Variants in AGBL4 observed in about 807,000 individuals in gnomAD.
AGBL4 encodes AGBL carboxypeptidase 4.
Under a neutral mutation model 66.4 loss-of-function variants are expected in AGBL4, and 58 were observed. That is an observed-to-expected ratio of 0.87 (90% confidence interval 0.71 to 1.09). The LOEUF (loss-of-function observed/expected upper bound fraction) is 1.09. Ranked by LOEUF, AGBL4 falls within the 50% of genes least tolerant of loss-of-function variation. AGBL4 has a pLI of 0.00. For synonymous variants in AGBL4, 234 were observed against 222.9 expected, an observed-to-expected ratio of 1.05 and a Z score of -0.44; for missense variants, 579 against 631.0, an observed-to-expected ratio of 0.92 and a Z score of 0.88.
At chr1:49,581,298 T>C (rs998597294) in intron 3 of AGBL4, among the ~76,000 whole-genome samples, 4 of 152,200 alleles carry the variant, frequency 2.6e-5, no homozygotes, top group Non-Finnish European at 4.4e-5. Context: ...TTGCATCTCA[T>C]TGAACTTCTT....
intron 6 of AGBL4, among the ~76,000 whole-genome samples, chr1:48,707,209 G>A (rs1646894475): frequency 6.6e-6 from 1 of 152,108 alleles, no homozygotes; most frequent in Admixed American, 6.6e-5. Flanking sequence ...TGGGAGGGTC[G>A]CTTGAGCCCA....
chr1:49,026,323 G>A (rs1389710744), intron 5 of AGBL4, among the ~76,000 whole-genome samples: 8 of 151,798 alleles, frequency 5.3e-5, no homozygotes, highest in Admixed American at 1.3e-4. Context: ...TCCCACTGTC[G>A]GGCCAAAAAA....
At chr1:49,400,147 C>T (rs910104290) in intron 3 of AGBL4, among the ~76,000 whole-genome samples, 1 of 152,102 alleles carries the variant, frequency 6.6e-6, no homozygotes, top group Non-Finnish European at 1.5e-5. Context: ...TGTGTTTTCC[C>T]CAGTGTATGT....
intron 3 of AGBL4, among the ~76,000 whole-genome samples, chr1:49,404,363 C>G (rs1032719008): frequency 6.6e-6 from 1 of 152,172 alleles, no homozygotes; most frequent in African/African-American, 2.4e-5. Context: ...AGAACCCTCA[C>G]TAGAAGCCAA....
At chr1:48,978,375 G>T (rs1436094564) in intron 5 of AGBL4, among the ~76,000 whole-genome samples, 1 of 152,196 alleles carries the variant, frequency 6.6e-6, no homozygotes, top group Non-Finnish European at 1.5e-5. Context: ...GAGGAGAAAA[G>T]AGATTGTTTT....
chr1:48,756,759 C>T (rs1191368499), intron 6 of AGBL4, among the ~76,000 whole-genome samples: 1 of 152,224 alleles, frequency 6.6e-6, no homozygotes, highest in Admixed American at 6.5e-5. Context: ...TAAGCTTTCA[C>T]TGATGAGAGA....
In AGBL4 at chr1:49,906,625, T is replaced by A. The variant is rs549367106; in HGVS notation, c.35-55107A>T. ...AGTATATCTCAAATGCTAAAAAAAA[T>A]TTGTCAAGATATACTAACAATTAAC... is the stretch of plus-strand genomic sequence containing the variant. On this transcript the variant is annotated intron_variant, in intron 1 of 13. Transcript: ENST00000371839. 3.9e-4 allele frequency among the ~76,000 whole-genome samples: 59 copies of A among 151,950 alleles called. 1 individual carries two copies. Among genetic ancestry groups the A allele is most frequent in the South Asian group, 2.5e-3 (12 of 4,826 alleles).
chr1:49,003,127 T>G (rs1222063996), intron 5 of AGBL4, among the ~76,000 whole-genome samples: 13 of 152,298 alleles, frequency 8.5e-5, no homozygotes, highest in Non-Finnish European at 1.5e-5. Context: ...GCCAGGCACG[T>G]TGGTGCACGC....
At chr1:48,782,448 A>AT (rs1168979572) in intron 6 of AGBL4, among the ~76,000 whole-genome samples, 3 of 152,196 alleles carry the variant, frequency 2.0e-5, no homozygotes, top group Non-Finnish European at 4.4e-5. Context: ...TTGCAAAACT[A>AT]TTTTTAAGGA....
chr1:49,676,096 A>C (rs895375329), intron 3 of AGBL4, among the ~76,000 whole-genome samples: 3 of 152,100 alleles, frequency 2.0e-5, no homozygotes, highest in Non-Finnish European at 4.4e-5. Flanking sequence ...CTTATTTTGC[A>C]GATGAGAAAA....
At chr1:49,659,405 T>C (rs1483288319) in intron 3 of AGBL4, among the ~76,000 whole-genome samples, 2 of 152,142 alleles carry the variant, frequency 1.3e-5, no homozygotes, top group South Asian at 4.1e-4. Flanking sequence ...GTGTGCTGTA[T>C]GCAAGAGACC....
At chr1:48,568,875 G>A (rs1345899519) in intron 11 of AGBL4, among the ~76,000 whole-genome samples, 1 of 152,082 alleles carries the variant, frequency 6.6e-6, no homozygotes, top group Non-Finnish European at 1.5e-5. Flanking sequence ...TTGGATGTCC[G>A]TTTCTCCATA....
intron 2 of AGBL4, among the ~76,000 whole-genome samples, chr1:49,698,156 A>G (rs942817661): frequency 6.6e-6 from 1 of 152,136 alleles, no homozygotes; most frequent in Non-Finnish European, 1.5e-5. Context: ...TTGTTACACA[A>G]TGGTACTGAA....
intron 6 of AGBL4, among the ~76,000 whole-genome samples, chr1:48,793,670 A>G (rs1645604333): frequency 6.6e-6 from 1 of 152,208 alleles, no homozygotes; most frequent in Admixed American, 6.5e-5. Flanking sequence ...TGATAAACAA[A>G]AAAGTTAGGT....
chr1:49,463,981 T>C (rs1455268585), intron 3 of AGBL4, among the ~76,000 whole-genome samples: 2 of 151,746 alleles, frequency 1.3e-5, no homozygotes, highest in Admixed American at 6.6e-5. Flanking sequence ...GACTGCTGCC[T>C]AATAGGTCCA....
chr1:49,472,941 T>C (rs1427286080), intron 3 of AGBL4, among the ~76,000 whole-genome samples: 2 of 152,038 alleles, frequency 1.3e-5, no homozygotes, highest in Non-Finnish European at 2.9e-5. Context: ...GTTCCTGCAT[T>C]AATTCGCTTA....
At chr1:49,919,837 T>C (rs1652008829) in intron 1 of AGBL4, among the ~76,000 whole-genome samples, 2 of 152,184 alleles carry the variant, frequency 1.3e-5, no homozygotes, top group Admixed American at 1.3e-4. Context: ...GACTTCAAAC[T>C]ATACTACAAG....
intron 1 of AGBL4, chr1:49,995,385 T>C (rs1660293271): frequency 2.3e-6 from 1 of 429,960 alleles, no homozygotes; most frequent in Admixed American, 2.4e-5. Context: ...CCTTTCCCAC[T>C]TCCCTGGCCA....
intron 3 of AGBL4, among the ~76,000 whole-genome samples, chr1:49,551,607 C>T (rs1466097276): frequency 1.3e-5 from 2 of 152,208 alleles, no homozygotes; most frequent in Non-Finnish European, 2.9e-5. Context: ...CAGCTCTGGG[C>T]TGGTACTGGG....
Sources: allele counts gnomAD v4.1 joint callset (sites outside exome capture counted in the v4.1 genomes callset), GRCh38; gene constraint gnomAD v4.1.1; transcripts MANE v1.5; gene names NCBI Gene and HGNC (gene_info 2026-07-23, HGNC 2026-07-21).